The following CEP57L1 variants were observed in gnomAD, a reference collection of about 807,000 sequenced individuals.
CEP57L1 encodes the protein centrosomal protein 57 like 1.
A neutral mutation model predicts 61.0 loss-of-function variants in CEP57L1; 37 were observed. That is an observed-to-expected ratio of 0.61 (90% CI 0.47 to 0.80). The LOEUF (loss-of-function observed/expected upper bound fraction) is 0.80, where lower values mean the gene tolerates loss of function less well. Among genes scored for constraint, CEP57L1 ranks in the 30% least tolerant of loss-of-function variants. CEP57L1 has a pLI of 0.00. For synonymous variants in CEP57L1, 137 were observed against 162.3 expected, an observed-to-expected ratio of 0.84 and a Z score of 1.19; for missense variants, 422 against 524.7, an observed-to-expected ratio of 0.80 and a Z score of 1.91.
intron 3 of CEP57L1, 91 bp downstream of exon 3, chr6:109,147,028 A>G (rs1772041460): frequency 2.0e-6 from 2 of 979,008 alleles, no homozygotes; most frequent in African/African-American, 1.7e-5. Context: ...GTACTCAGAT[A>G]TCTTTATTCT....
chr6:109,114,191 C>T (rs1237074196), intron 1 of CEP57L1, among the ~76,000 whole-genome samples: 1 of 152,132 alleles, frequency 6.6e-6, no homozygotes, highest in Non-Finnish European at 1.5e-5. Flanking sequence ...ATAAGGGTTT[C>T]TTTTTCTCCA....
In CEP57L1 at chr6:109,112,158, T is replaced by G. The variant is rs1771720599; in HGVS notation, c.-4+16583T>G. ...GCTGTGAATCTCTCTGGTCCTGGGC[T>G]TTTTTTGGTGGGTAGGCTATTAATT... On this transcript the variant is annotated intron_variant, in intron 1 of 10. Transcript: ENST00000517392. Among the ~76,000 whole-genome samples the G allele has an allele frequency of 2.0e-5, 3 of 152,130 alleles. No homozygotes were observed. In the South Asian group the frequency reaches 6.2e-4, roughly 31 times the overall value.
chr6:109,098,068 A>T (rs1031433426), intron 1 of CEP57L1, among the ~76,000 whole-genome samples: 14 of 152,228 alleles, frequency 9.2e-5, no homozygotes, highest in Non-Finnish European at 1.5e-4. Flanking sequence ...TTGGGAAAGC[A>T]TTGGAGAGTT....
chr6:109,146,158 A>T (rs909627472), intron 2 of CEP57L1, among the ~76,000 whole-genome samples: 10 of 151,964 alleles, frequency 6.6e-5, no homozygotes, highest in Admixed American at 1.3e-4. Flanking sequence ...AAAACTCTGA[A>T]CTTATCTGAA....
chr6:109,125,828 C>T (rs1025204405), intron 1 of CEP57L1, among the ~76,000 whole-genome samples: 3 of 151,776 alleles, frequency 2.0e-5, no homozygotes, highest in Non-Finnish European at 2.9e-5. Flanking sequence ...AATGTTGAAA[C>T]CCTTTCAAAA....
chr6:109,114,041 A>C (rs1415900879), intron 1 of CEP57L1, among the ~76,000 whole-genome samples: 1 of 151,836 alleles, frequency 6.6e-6, no homozygotes, highest in Non-Finnish European at 1.5e-5. Flanking sequence ...CCCTTTCTGT[A>C]CTTATTTTTT....
chr6:109,104,883 G>A (rs1274622051), intron 1 of CEP57L1, among the ~76,000 whole-genome samples: 4 of 152,096 alleles, frequency 2.6e-5, no homozygotes, highest in African/African-American at 9.7e-5. Context: ...CACTGCACTG[G>A]GTCCTGATAG....
chr6:109,136,556 AAGTAT>A (rs1163895555), intron 1 of CEP57L1, among the ~76,000 whole-genome samples: 1 of 71,094 alleles, frequency 1.4e-5, no homozygotes, highest in East Asian at 4.7e-4. Context: ...CTAAAACTAT[AAGTAT>A]AAAAAAAAAA....
chr6:109,128,820 ATTG>A (rs907150537), intron 1 of CEP57L1, among the ~76,000 whole-genome samples: 1 of 152,016 alleles, frequency 6.6e-6, no homozygotes, highest in Non-Finnish European at 1.5e-5. Flanking sequence ...TAAACCTCTT[ATTG>A]TTTGTTTGCT....
At chr6:109,099,278 A>G (rs931336036) in intron 1 of CEP57L1, among the ~76,000 whole-genome samples, 16 of 152,118 alleles carry the variant, frequency 1.1e-4, no homozygotes, top group African/African-American at 3.9e-4. Context: ...GTGGATTTGG[A>G]GTTCTCTGCA....
intron 3 of CEP57L1, 148 bp downstream of exon 3, chr6:109,147,085 T>A (rs1772046495): frequency 1.8e-6 from 1 of 563,344 alleles, no homozygotes; most frequent in Non-Finnish European, 2.9e-6. Flanking sequence ...CTTTTGATAT[T>A]TGTGAGAAAA....
In CEP57L1 at chr6:109,152,652, T is replaced by C. The variant is rs1461063760; in HGVS notation, c.463-1181T>C. ...ATGTGCGTGCGTGTGTGTGTGTGTGTGTGTGTGTGTGTGTGTGTGTGTGTG... is the reference window on the plus strand; with the variant it reads ...ATGTGCGTGCGTGTGTGTGTGTGTGCGTGTGTGTGTGTGTGTGTGTGTGTG... On this transcript the variant is annotated intron_variant, in intron 4 of 10. Coordinates refer to ENST00000517392, the MANE Select transcript of CEP57L1 (RefSeq NM_001271852.3). Among the ~76,000 whole-genome samples, 53 of 143,920 alleles carry C rather than the reference T, an allele frequency of 3.7e-4. No homozygotes were observed. The East Asian group carries it at 6.0e-3, about 16-fold the overall frequency. 94.4% of individuals were successfully genotyped at this position (143,920 alleles called of 152,430 possible). A position where few individuals can be genotyped will look rare whatever the true frequency, so the allele number is the denominator to read the frequency against.
intron 1 of CEP57L1, among the ~76,000 whole-genome samples, chr6:109,099,000 A>C (rs1403348973): frequency 6.6e-6 from 1 of 152,174 alleles, no homozygotes; most frequent in African/African-American, 2.4e-5. Context: ...GAGTAACTAG[A>C]ATGGAGGAAG....
intron 1 of CEP57L1, among the ~76,000 whole-genome samples, chr6:109,124,087 A>C (rs1368909616): frequency 6.6e-6 from 1 of 151,812 alleles, no homozygotes; most frequent in Non-Finnish European, 1.5e-5. Context: ...AAAAAAAAAA[A>C]GAACCACTTC....
chr6:109,152,295 C>G (rs988672364), intron 4 of CEP57L1, among the ~76,000 whole-genome samples: 14 of 152,164 alleles, frequency 9.2e-5, no homozygotes, highest in Non-Finnish European at 2.1e-4. Flanking sequence ...ATTCTCCTGC[C>G]TCAGCCTCCC....
intron 7 of CEP57L1, chr6:109,156,702 T>C (rs1429785523): frequency 6.6e-6 from 1 of 152,128 alleles, no homozygotes; most frequent in Non-Finnish European, 1.5e-5. Context: ...TTCTGGCCAC[T>C]GCCATATGCT....
chr6:109,101,488 T>C (rs896757204), intron 1 of CEP57L1, among the ~76,000 whole-genome samples: 1 of 152,242 alleles, frequency 6.6e-6, no homozygotes, highest in South Asian at 2.1e-4. Flanking sequence ...ATGAATAAAG[T>C]GTCCTAAAAA....
Position 109,108,177 on chromosome 6 carries a change from T to C in CEP57L1, c.-4+12602T>C, listed in dbSNP as rs373023710. Among the ~76,000 whole-genome samples the C allele has an allele frequency of 1.2e-4, 18 of 152,126 alleles. 1 individual carries two copies. The highest frequency in any genetic ancestry group is 7.7e-4 in the East Asian group (4 of 5,178). On this transcript the variant is annotated intron_variant, in intron 1 of 10. Coordinates refer to ENST00000517392, the MANE Select transcript of CEP57L1 (RefSeq NM_001271852.3). Reference sequence around the variant, plus strand: ...ATGCCCCACCAGTAAGCAGTAGTGTTCTGGAGGAGTCTCTGACACCAAAGC... The same window carrying C: ...ATGCCCCACCAGTAAGCAGTAGTGTCCTGGAGGAGTCTCTGACACCAAAGC...
chr6:109,104,652 GC>G lies in CEP57L1; in HGVS notation c.-4+9080del, dbSNP rs556152464. On this transcript the variant is annotated intron_variant, in intron 1 of 10. Transcript: ENST00000517392. ...ACCAGAGTGCAGTGGCACAATCACA[GC>G]CCACTGCAAGCCTCAACCTCCCGGG... Among the ~76,000 whole-genome samples, 149 of 152,226 alleles carry G rather than the reference GC, an allele frequency of 9.8e-4. 1 individual carries two copies. The highest frequency in any genetic ancestry group is 3.5e-3 in the African/African-American group (146 of 41,534).
Sources: gnomAD v4.1 joint callset for allele counts (sites outside exome capture counted in the v4.1 genomes callset) on GRCh38, gnomAD v4.1.1 for gene constraint, MANE v1.5 for transcripts, NCBI Gene and HGNC (gene_info 2026-07-23, HGNC 2026-07-21) for gene names.